The following GOLGA7 variants were observed in gnomAD, a reference collection of about 807,000 sequenced individuals.
GOLGA7 encodes golgin subfamily A member 7.
A neutral mutation model predicts 21.1 loss-of-function variants in GOLGA7; 10 were observed. That is an observed-to-expected ratio of 0.47 (90% CI 0.29 to 0.80). The LOEUF (loss-of-function observed/expected upper bound fraction) is 0.80. Among genes scored for constraint, GOLGA7 ranks in the 30% least tolerant of loss-of-function variants. The pLI is 0.08. For missense variants in GOLGA7, 114 were observed against 166.8 expected, an observed-to-expected ratio of 0.68 and a Z score of 1.74; for synonymous variants, 64 against 62.6, an observed-to-expected ratio of 1.02 and a Z score of -0.10.
chr8:41,491,062 G>A, intron 1 of GOLGA7, 97 bp downstream of exon 1: 2 of 742,134 alleles, frequency 2.7e-6, no homozygotes, highest in Non-Finnish European at 4.8e-6. Flanking sequence ...TGAGGGTCCC[G>A]CAGTTCTGGG....
In GOLGA7 at chr8:41,504,905, C is replaced by T. The variant is rs527880465; in HGVS notation, c.265-1006C>T. Among the ~76,000 whole-genome samples, 31 of 152,294 alleles carry T rather than the reference C, an allele frequency of 2.0e-4. 1 individual carries two copies. In the South Asian group the frequency reaches 3.5e-3, roughly 17 times the overall value. On this transcript the variant is annotated intron_variant, in intron 2 of 4. Transcript: ENST00000357743. ...CTTAATTTCCAACTTTATTTCCATA[C>T]ACTTCTTTTTTCCCTTTAAGTTGTG...
At chr8:41,504,986 T>G (rs1806250204) in intron 2 of GOLGA7, among the ~76,000 whole-genome samples, 1 of 152,214 alleles carries the variant, frequency 6.6e-6, no homozygotes, top group Non-Finnish European at 1.5e-5. Context: ...AAATATATAG[T>G]AATTTAAAGA....
chr8:41,494,442 CTT>C (rs763803965), intron 1 of GOLGA7, among the ~76,000 whole-genome samples: 3 of 152,134 alleles, frequency 2.0e-5, no homozygotes, highest in East Asian at 1.9e-4. Flanking sequence ...AATTCAATGA[CTT>C]ATAACATAGG....
chr8:41,492,888 C>G (rs550299089), intron 1 of GOLGA7, among the ~76,000 whole-genome samples: 1 of 152,250 alleles, frequency 6.6e-6, no homozygotes, highest in Non-Finnish European at 1.5e-5. Context: ...CAGAATCAGA[C>G]ATTAGCCTTC....
At chr8:41,507,377 T>C (rs1265408248) in intron 4 of GOLGA7, among the ~76,000 whole-genome samples, 3 of 152,190 alleles carry the variant, frequency 2.0e-5, no homozygotes, top group Admixed American at 6.5e-5. Flanking sequence ...TTGTTGTTAC[T>C]TTGGTGGGGG....
intron 2 of GOLGA7, among the ~76,000 whole-genome samples, chr8:41,501,308 A>ATTT (rs58977260): frequency 2.1e-5 from 3 of 143,626 alleles, no homozygotes; most frequent in Admixed American, 6.9e-5. Flanking sequence ...CTTGAGGTCG[A>ATTT]TTTTTTTTTT....
In GOLGA7 at chr8:41,496,344, G is replaced by A. The variant is rs180846989; in HGVS notation, c.112-1165G>A. 7.9e-5 allele frequency among the ~76,000 whole-genome samples: 12 copies of A among 152,018 alleles called. No individual in the cohort carries two copies. In the East Asian group the frequency reaches 2.1e-3, roughly 27 times the overall value. The stretch of plus-strand genomic sequence containing the variant: ...TGACTGTGACCCCTCACATGAGGTC[G>A]GGTTTGGAATTTCCCACTTGTGGTA... On this transcript the variant is annotated intron_variant, in intron 1 of 4. Transcript: ENST00000357743.
Position 41,500,678 on chromosome 8 carries a change from CCTCAGCCTCTCA to C in GOLGA7, c.264+3018_264+3029del, listed in dbSNP as rs1362382467. Among the ~76,000 whole-genome samples, 3 of 152,338 alleles carry C rather than the reference CCTCAGCCTCTCA, an allele frequency of 2.0e-5. No individual in the cohort carries two copies. The East Asian group carries it at 5.8e-4, about 29-fold the overall frequency. ...CTCCTGGGCTCAAGCGATCCTCTCA[CCTCAGCCTCTCA>C]GAGTATTGGGATTAAAGGCCTGAGC... On this transcript the variant is annotated intron_variant, in intron 2 of 4. Coordinates refer to ENST00000357743, the MANE Select transcript of GOLGA7 (RefSeq NM_001002296.2).
At chr8:41,501,880 A>G (rs555975735) in intron 2 of GOLGA7, among the ~76,000 whole-genome samples, 2 of 152,358 alleles carry the variant, frequency 1.3e-5, no homozygotes, top group South Asian at 4.1e-4. Flanking sequence ...AGATGGTCCT[A>G]AATACCAGAA....
chr8:41,490,502 T>G, upstream of GOLGA7: 1 of 235,496 alleles, frequency 4.2e-6, no homozygotes, highest in Non-Finnish European at 8.4e-6. Context: ...GAGGAGAGGG[T>G]GGGTCCCAGA....
chr8:41,506,306 A>G (rs1806286400), intron 3 of GOLGA7, among the ~76,000 whole-genome samples: 1 of 152,124 alleles, frequency 6.6e-6, no homozygotes, highest in Non-Finnish European at 1.5e-5. Flanking sequence ...TGAGTAATGC[A>G]TTTCAGCTGC....
intron 1 of GOLGA7, among the ~76,000 whole-genome samples, chr8:41,494,939 T>G (rs1805971606): frequency 6.6e-6 from 1 of 152,042 alleles, no homozygotes; most frequent in Non-Finnish European, 1.5e-5. Flanking sequence ...ATTATGTTCT[T>G]GAGGCCAGGT....
Position 41,490,844 on chromosome 8 carries a change from C to G in GOLGA7, c.-11C>G. On this transcript the variant is annotated 5_prime_UTR_variant, in exon 1 of 5. Coordinates refer to ENST00000357743, the MANE Select transcript of GOLGA7 (RefSeq NM_001002296.2). ...CCCCGACCCCGCAGCGCGGGGTGTC[C>G]TGTCCTCGCCATGAGGCCGCAGCAG... 1 of 1,537,142 alleles carries G rather than the reference C, an allele frequency of 6.5e-7. No homozygotes were observed. The highest frequency in any genetic ancestry group is 8.9e-7 in the Non-Finnish European group (1 of 1,125,806).
At chr8:41,508,756 TG>T (rs1228974497) in intron 4 of GOLGA7, among the ~76,000 whole-genome samples, 3 of 152,272 alleles carry the variant, frequency 2.0e-5, no homozygotes, top group African/African-American at 7.2e-5. Flanking sequence ...CCCTCTTTCA[TG>T]AATGCAGATA....
At chr8:41,505,821 G>A (rs142658302) in intron 2 of GOLGA7, 90 bp from the exon 3 acceptor site, 12 of 639,462 alleles carry the variant, frequency 1.9e-5, no homozygotes, top group South Asian at 1.9e-4. Context: ...CCTTGAAAAC[G>A]AATTCCCACT....
intron 2 of GOLGA7, among the ~76,000 whole-genome samples, chr8:41,505,231 T>C (rs1402224250): frequency 6.6e-6 from 1 of 152,238 alleles, no homozygotes; most frequent in Non-Finnish European, 1.5e-5. Context: ...ACAAGCTTAA[T>C]ACTAAACTTA....
intron 2 of GOLGA7, among the ~76,000 whole-genome samples, chr8:41,499,513 C>T (rs1227417201): frequency 6.6e-6 from 1 of 152,122 alleles, no homozygotes; most frequent in African/African-American, 2.4e-5. Flanking sequence ...AGATAGTTTT[C>T]CCCTGGAGTC....
chr8:41,500,840 C>T (rs1434214641), intron 2 of GOLGA7, among the ~76,000 whole-genome samples: 1 of 152,136 alleles, frequency 6.6e-6, no homozygotes, highest in African/African-American at 2.4e-5. Context: ...GTGAGATAGC[C>T]TGGATTAGGA....
intron 1 of GOLGA7, among the ~76,000 whole-genome samples, chr8:41,493,941 C>G (rs546561585): frequency 6.6e-6 from 1 of 152,326 alleles, no homozygotes; most frequent in Admixed American, 6.5e-5. Context: ...AACATTTGTT[C>G]TCTTGAGCCC....
Sources: gnomAD v4.1 joint callset for allele counts (sites outside exome capture counted in the v4.1 genomes callset) on GRCh38, gnomAD v4.1.1 for gene constraint, MANE v1.5 for transcripts, NCBI Gene and HGNC (gene_info 2026-07-23, HGNC 2026-07-21) for gene names.